The following XKR9 variants were observed in gnomAD, a reference collection of about 807,000 sequenced individuals.
The protein encoded by XKR9 is XK-related protein 9.
Under a neutral mutation model 32.0 loss-of-function variants are expected in XKR9, and 32 were observed. That is an observed-to-expected ratio of 1.00 (90% CI 0.76 to 1.34). The LOEUF is 1.34. Among genes scored for constraint, XKR9 ranks in the 40% most tolerant of loss-of-function variants. The probability of loss-of-function intolerance (pLI) is 0.00; values close to 1 mark genes in which losing one functional copy is unlikely to be tolerated. For synonymous variants in XKR9, 168 were observed against 143.4 expected (o/e 1.17, Z -1.22); for missense variants, 546 against 429.7 (o/e 1.27, Z -2.39).
chr8:70,733,785 T>TTTTTTTTTTTTTTC lies in XKR9; in HGVS notation c.494-10_494-9insTTTTTTTTTTTTCT. On this transcript the variant is annotated splice_polypyrimidine_tract_variant and intron_variant, in intron 4 of 4. Transcript: ENST00000408926. Reference sequence around the variant, plus strand: ...CTATAACAATATATTTTTTATTTTTTTGTTTTGTAGATGCGGCCATCATGG... The same window carrying TTTTTTTTTTTTTTC: ...CTATAACAATATATTTTTTATTTTTTTTTTTTTTTTTTTCTGTTTTGTAGATGCGGCCATCATGG... 1 of 1,526,960 alleles carries TTTTTTTTTTTTTTC rather than the reference T, an allele frequency of 6.5e-7. No individual in the cohort carries two copies. Among genetic ancestry groups the TTTTTTTTTTTTTTC allele is most frequent in the Non-Finnish European group, 8.7e-7 (1 of 1,142,886 alleles). The allele number at this position is 1,526,960 out of a possible 1,614,324, so 94.6% of individuals were successfully genotyped here.
the XKR9 span, among the ~76,000 whole-genome samples, chr8:70,953,231 G>C: frequency 6.6e-6 from 1 of 152,232 alleles, no homozygotes; most frequent in African/African-American, 2.4e-5. Context: ...TGAGCACTCA[G>C]TGCTAGGCTT....
intron 2 of XKR9, among the ~76,000 whole-genome samples, chr8:70,775,090 A>T (rs1807501625): frequency 6.6e-6 from 1 of 152,134 alleles, no homozygotes; most frequent in Admixed American, 6.6e-5. Context: ...ATGTTACTGT[A>T]AATAGTATTA....
the XKR9 span, among the ~76,000 whole-genome samples, chr8:70,887,691 G>A: frequency 6.6e-6 from 1 of 152,004 alleles, no homozygotes; most frequent in South Asian, 2.1e-4. Flanking sequence ...TAGCAGTCAT[G>A]AATAGGAGTT....
At chr8:70,982,178 G>A in the XKR9 span, among the ~76,000 whole-genome samples, 1 of 152,242 alleles carries the variant, frequency 6.6e-6, no homozygotes, top group Non-Finnish European at 1.5e-5. Flanking sequence ...TAGGGAAGAT[G>A]CAAACTTGCC....
the XKR9 span, among the ~76,000 whole-genome samples, chr8:70,878,910 G>A: frequency 1.2e-3 from 184 of 152,240 alleles, no homozygotes; most frequent in Middle Eastern, 3.4e-3. Flanking sequence ...TGGAAGTAAA[G>A]CACTCCTCAG....
chr8:70,842,643 T>C, the XKR9 span, among the ~76,000 whole-genome samples: 1 of 152,222 alleles, frequency 6.6e-6, no homozygotes, highest in East Asian at 1.9e-4. Flanking sequence ...TTCTCAGTCA[T>C]TGAGAAACCT....
intron 2 of XKR9, among the ~76,000 whole-genome samples, chr8:70,773,808 C>G (rs1807484370): frequency 6.6e-6 from 1 of 152,024 alleles, no homozygotes; most frequent in Non-Finnish European, 1.5e-5. Flanking sequence ...GTTCTTAAGC[C>G]AGTTGGTTGG....
chr8:70,812,047 A>C, the XKR9 span, among the ~76,000 whole-genome samples: 1 of 152,122 alleles, frequency 6.6e-6, no homozygotes, highest in Non-Finnish European at 1.5e-5. Flanking sequence ...CCTCAATAAA[A>C]TACTGGCAAA....
At chr8:70,926,394 C>A in the XKR9 span, among the ~76,000 whole-genome samples, 4 of 152,168 alleles carry the variant, frequency 2.6e-5, no homozygotes, top group African/African-American at 9.7e-5. Context: ...TATACCTTCA[C>A]TATATTTACT....
chr8:70,907,082 T>A, the XKR9 span, among the ~76,000 whole-genome samples: 1 of 152,232 alleles, frequency 6.6e-6, no homozygotes, highest in Admixed American at 6.5e-5. Context: ...TCTGTCCTTA[T>A]AGCTTTGCCC....
At position 70,699,440 on chromosome 8, in the gene XKR9, G is replaced by T. The variant is rs922812275; in HGVS notation, c.273-7493G>T. Among the ~76,000 whole-genome samples the T allele has an allele frequency of 8.4e-4, 128 of 151,590 alleles. No individual in the cohort carries two copies. The Middle Eastern group carries it at 0.014, about 16-fold the overall frequency. On this transcript the variant is annotated intron_variant, in intron 3 of 4. Transcript: ENST00000408926. ...AGTATTTTATTTCTCCTTCACTTATGAAGCTTAGTTTGTCTGGATATGAAT... is the reference window on the plus strand; with the variant it reads ...AGTATTTTATTTCTCCTTCACTTATTAAGCTTAGTTTGTCTGGATATGAAT...
At chr8:70,783,233 T>C (rs558212973) in intron 2 of XKR9, among the ~76,000 whole-genome samples, 1 of 152,160 alleles carries the variant, frequency 6.6e-6, no homozygotes, top group African/African-American at 2.4e-5. Context: ...TGTCTTTTTT[T>C]TTTTTTTCTT....
chr8:70,783,817 T>C (rs1389721506), intron 2 of XKR9, among the ~76,000 whole-genome samples: 2 of 152,210 alleles, frequency 1.3e-5, no homozygotes, highest in Non-Finnish European at 2.9e-5. Context: ...CTATGTTTTC[T>C]TCTAGTAATT....
the XKR9 span, among the ~76,000 whole-genome samples, chr8:71,057,584 G>T: frequency 6.6e-6 from 1 of 151,886 alleles, no homozygotes; most frequent in Non-Finnish European, 1.5e-5. Flanking sequence ...ATTAAGGGGT[G>T]GTGATGATAT....
At chr8:70,783,994 G>A (rs1327853442) in intron 2 of XKR9, among the ~76,000 whole-genome samples, 6 of 152,146 alleles carry the variant, frequency 3.9e-5, no homozygotes, top group South Asian at 4.1e-4. Flanking sequence ...GCACCTTCGT[G>A]GGAGATCAAT....
chr8:71,046,148 C>G, the XKR9 span, among the ~76,000 whole-genome samples: 1 of 152,126 alleles, frequency 6.6e-6, no homozygotes, highest in Non-Finnish European at 1.5e-5. Flanking sequence ...AAATAAAAAC[C>G]AATATCTCAC....
At chr8:70,854,440 A>G in the XKR9 span, among the ~76,000 whole-genome samples, 1 of 152,132 alleles carries the variant, frequency 6.6e-6, no homozygotes, top group Non-Finnish European at 1.5e-5. Flanking sequence ...TCAGATGAGT[A>G]GATTGCAAAA....
rs1294969666 is a variant in XKR9 at position 70,728,655 on chromosome 8, T to C, written c.494-5141T>C. ...ACTCAAGAACAGCTAACAACAGGTG[T>C]ACTATAGTATTTTCTTTTGAAGCAT... On this transcript the variant is annotated intron_variant, in intron 4 of 4. Transcript: ENST00000408926. Among the ~76,000 whole-genome samples the C allele has an allele frequency of 2.6e-5, 4 of 152,342 alleles. No homozygotes were observed. The East Asian group carries it at 7.7e-4, about 29-fold the overall frequency.
chr8:70,848,494 A>C, the XKR9 span, among the ~76,000 whole-genome samples: 1 of 152,188 alleles, frequency 6.6e-6, no homozygotes, highest in South Asian at 2.1e-4. Context: ...GAAAGAAAGA[A>C]GTCAAACTAG....
Sources: gnomAD v4.1 joint callset for allele counts (sites outside exome capture counted in the v4.1 genomes callset) on GRCh38, gnomAD v4.1.1 for gene constraint, MANE v1.5 for transcripts, NCBI Gene and HGNC (gene_info 2026-07-23, HGNC 2026-07-21) for gene names.